The following SLC15A2 variants were observed in gnomAD, a reference collection of about 807,000 sequenced individuals.
The protein encoded by SLC15A2 is kidney H(+)/peptide cotransporter.
SLC15A2 carries 77 observed loss-of-function variants against 95.5 expected under a neutral mutation model. The ratio of observed to expected loss-of-function variants is 0.81; its 90% confidence interval spans 0.67 to 0.97. SLC15A2 has a LOEUF of 0.97. Among genes scored for constraint, SLC15A2 ranks in the 50% least tolerant of loss-of-function variants. The pLI, the probability that SLC15A2 is intolerant of heterozygous loss-of-function variation, is 0.00. For synonymous variants in SLC15A2, 306 were observed against 306.9 expected, an observed-to-expected ratio of 1.00 and a Z score of 0.03; for missense variants, 893 against 874.4, an observed-to-expected ratio of 1.02 and a Z score of -0.27.
Position 121,941,293 on chromosome 3 carries a change from A to G in SLC15A2, c.*286A>G. The G allele has an allele frequency of 3.9e-6, 1 of 254,392 alleles. No homozygotes were observed. The highest frequency in any genetic ancestry group is 5.3e-5 in the Admixed American group (1 of 18,724). The allele number at this position is 254,392 out of a possible 1,614,324, so 15.8% of individuals were successfully genotyped here. ...ATGAAAATACACACGTATAATGGAG[A>G]TCATTCTCTGTGGGTATGCAAAGTT... On this transcript the variant is annotated 3_prime_UTR_variant, in exon 22 of 22. Transcript: ENST00000489711.
chr3:121,936,829 C>A (rs1710358063), intron 19 of SLC15A2, among the ~76,000 whole-genome samples: 1 of 138,368 alleles, frequency 7.2e-6, no homozygotes, highest in Admixed American at 7.3e-5. Context: ...GGTTATTTTG[C>A]TCGTTAGTTG....
intron 3 of SLC15A2, among the ~76,000 whole-genome samples, chr3:121,910,316 C>T (rs148454978): frequency 6.6e-6 from 1 of 151,852 alleles, no homozygotes; most frequent in African/African-American, 2.4e-5. Context: ...CCTGCCTCAG[C>T]CTCCCCGCTA....
chr3:121,928,206 G>A (rs1232900830), intron 14 of SLC15A2: 14 of 583,150 alleles, frequency 2.4e-5, no homozygotes, highest in South Asian at 4.7e-5. Flanking sequence ...AAAAAGCATC[G>A]AGTTTGTAAG....
chr3:121,937,457 C>T (rs1345891915), intron 19 of SLC15A2, among the ~76,000 whole-genome samples: 6 of 139,072 alleles, frequency 4.3e-5, no homozygotes, highest in African/African-American at 1.6e-4. Context: ...GGAGGCTTTG[C>T]TCGTTTCTTT....
At chr3:121,903,098 T>C (rs1306433146) in intron 3 of SLC15A2, among the ~76,000 whole-genome samples, 1 of 152,274 alleles carries the variant, frequency 6.6e-6, no homozygotes, top group Non-Finnish European at 1.5e-5. Flanking sequence ...ATTTCTTTGA[T>C]GGCCAGTGAT....
At chr3:121,894,677 G>A (rs1709386085) in intron 1 of SLC15A2, 96 bp downstream of exon 1, 1 of 823,116 alleles carries the variant, frequency 1.2e-6, no homozygotes. Flanking sequence ...AGCTGTATTA[G>A]GGTATTAAAA....
Position 121,934,765 on chromosome 3 carries a change from T to A in SLC15A2, c.1761+3030T>A, listed in dbSNP as rs1433170449. On this transcript the variant is annotated intron_variant, in intron 19 of 21. Transcript: ENST00000489711. ...TTGAATACCCTTTATTTCCTTCTCCTGCCTGATTGCCCTGGCCAGAACTTC... is the reference window on the plus strand; with the variant it reads ...TTGAATACCCTTTATTTCCTTCTCCAGCCTGATTGCCCTGGCCAGAACTTC... Among the ~76,000 whole-genome samples the A allele has an allele frequency of 3.3e-5, 5 of 152,350 alleles. No homozygotes were observed. In the East Asian group the frequency reaches 9.6e-4, roughly 29 times the overall value.
intron 5 of SLC15A2, 96 bp downstream of exon 5, chr3:121,913,216 C>A: frequency 2.3e-6 from 2 of 864,382 alleles, no homozygotes; most frequent in Non-Finnish European, 3.8e-6. Flanking sequence ...AAGTAATGTA[C>A]TGGTCAGATC....
At chr3:121,932,087 A>G (rs1710245178) in intron 19 of SLC15A2, among the ~76,000 whole-genome samples, 1 of 152,054 alleles carries the variant, frequency 6.6e-6, no homozygotes, top group Admixed American at 6.6e-5. Context: ...TATTTTTAGT[A>G]GAGATGGGGT....
chr3:121,934,818 G>T (rs1227934419), intron 19 of SLC15A2, among the ~76,000 whole-genome samples: 1 of 152,120 alleles, frequency 6.6e-6, no homozygotes, highest in East Asian at 1.9e-4. Context: ...GGAGTGGAGA[G>T]AGAGGGCATC....
At chr3:121,906,425 C>T (rs187853653) in intron 3 of SLC15A2, among the ~76,000 whole-genome samples, 161 of 152,180 alleles carry the variant, frequency 1.1e-3, no homozygotes, top group Non-Finnish European at 1.4e-3. Flanking sequence ...TTATTTTGCC[C>T]GTTAGTTGAT....
intron 3 of SLC15A2, among the ~76,000 whole-genome samples, chr3:121,900,222 T>G (rs1172897100): frequency 6.6e-6 from 1 of 152,190 alleles, no homozygotes; most frequent in Non-Finnish European, 1.5e-5. Context: ...CTTTCTTCTG[T>G]CTTCTCTACA....
intron 19 of SLC15A2, among the ~76,000 whole-genome samples, chr3:121,936,956 C>T (rs1399933004): frequency 2.0e-5 from 3 of 151,132 alleles, no homozygotes; most frequent in East Asian, 1.9e-4. Flanking sequence ...TTAGGGCAGG[C>T]CTGGTGGTGA....
chr3:121,904,248 G>A (rs1223304563), intron 3 of SLC15A2, among the ~76,000 whole-genome samples: 3 of 152,246 alleles, frequency 2.0e-5, no homozygotes, highest in East Asian at 3.9e-4. Context: ...AGGAGATTTT[G>A]GGCTGAGACA....
intron 19 of SLC15A2, 91 bp from the exon 20 acceptor site, chr3:121,939,258 A>G: frequency 9.4e-7 from 1 of 1,061,468 alleles, no homozygotes; most frequent in Admixed American, 3.1e-5. Flanking sequence ...GAAAATACAA[A>G]AAGGATGGAT....
intron 3 of SLC15A2, among the ~76,000 whole-genome samples, chr3:121,904,257 C>G (rs1313645068): frequency 1.3e-5 from 2 of 152,128 alleles, no homozygotes; most frequent in East Asian, 3.8e-4. Flanking sequence ...TGGGCTGAGA[C>G]AGTGGGGTTT....
At chr3:121,903,432 A>G (rs1324083483) in intron 3 of SLC15A2, among the ~76,000 whole-genome samples, 3 of 152,192 alleles carry the variant, frequency 2.0e-5, no homozygotes, top group African/African-American at 7.2e-5. Flanking sequence ...GCCCATGCCT[A>G]TGTCCTGAAT....
chr3:121,911,659 G>C lies in SLC15A2; in HGVS notation c.421G>C (p.Val141Leu). 6.2e-7 allele frequency: 1 copy of C among 1,602,372 alleles called. No individual in the cohort carries two copies. Among genetic ancestry groups the C allele is most frequent in the South Asian group, 1.1e-5 (1 of 90,830 alleles). ...GALPILGGQV[V>L]HTVLSLIGLS... is the part of the protein sequence containing the mutation. ...CTTACCAATACTGGGAGGACAAGTG[G>C]TACACACGTGAGTAAAATCATGGAA... Residue 141 changes from valine (V) to leucine (L), a missense_variant, in exon 4 of 22, where the codon GTA becomes CTA. Physicochemically the swap from Val to Leu is conservative, Grantham distance 32. Coordinates refer to ENST00000489711, the MANE Select transcript of SLC15A2 (RefSeq NM_021082.4).
intron 18 of SLC15A2, among the ~76,000 whole-genome samples, chr3:121,931,301 C>T (rs1307177931): frequency 6.6e-6 from 1 of 152,230 alleles, no homozygotes; most frequent in Non-Finnish European, 1.5e-5. Context: ...TAGAGCTTAT[C>T]TTCTCAGGTT....
Sources: gnomAD v4.1 joint callset for allele counts (sites outside exome capture counted in the v4.1 genomes callset) on GRCh38, gnomAD v4.1.1 for gene constraint, MANE v1.5 for transcripts, NCBI Gene and HGNC (gene_info 2026-07-23, HGNC 2026-07-21) for gene names.